The following STXBP6 variants were observed in gnomAD, a reference collection of about 807,000 sequenced individuals.
STXBP6 encodes the protein syntaxin binding protein 6, also known as syntaxin-binding protein 6.
STXBP6 carries 21 observed loss-of-function variants against 26.9 expected under a neutral mutation model. The observed-to-expected ratio is 0.78, with a 90% CI of 0.55 to 1.12. The LOEUF (loss-of-function observed/expected upper bound fraction) is 1.12, where lower values mean the gene tolerates loss of function less well. STXBP6 is among the 50% of genes most tolerant of loss of function. STXBP6 has a pLI of 0.00. For missense variants in STXBP6, 232 were observed against 257.9 expected (o/e 0.90, Z 0.69); for synonymous variants, 97 against 92.6 (o/e 1.05, Z -0.27).
At chr14:24,966,009 ACCACCAC>A (rs2073722138) in intron 2 of STXBP6, among the ~76,000 whole-genome samples, 3 of 152,176 alleles carry the variant, frequency 2.0e-5, no homozygotes, top group Non-Finnish European at 4.4e-5. Context: ...AATCTCCCTA[ACCACCAC>A]TTGCTCTACC....
intron 5 of STXBP6, chr14:24,816,820 T>G (rs2067992655): frequency 6.6e-6 from 1 of 152,148 alleles, no homozygotes; most frequent in East Asian, 1.9e-4. Flanking sequence ...TCTCCTCCAT[T>G]CCTTCCCTGT....
At chr14:24,894,015 CAT>C (rs1476346489) in intron 2 of STXBP6, among the ~76,000 whole-genome samples, 3 of 152,100 alleles carry the variant, frequency 2.0e-5, no homozygotes, top group Non-Finnish European at 2.9e-5. Flanking sequence ...AAGAAAAAAA[CAT>C]GTGTTATACA....
At chr14:24,965,172 T>C (rs117989046) in intron 2 of STXBP6, among the ~76,000 whole-genome samples, 1 of 151,362 alleles carries the variant, frequency 6.6e-6, no homozygotes, top group Non-Finnish European at 1.5e-5. Flanking sequence ...CTGTCAGGAG[T>C]GGGACACAGA....
intron 1 of STXBP6, 77 bp from the exon 2 acceptor site, chr14:24,974,927 A>C (rs1187631994): frequency 2.2e-6 from 2 of 910,814 alleles, no homozygotes; most frequent in East Asian, 5.8e-5. Context: ...GCAGCAAGTG[A>C]ATTTGCAGGT....
chr14:24,936,465 C>A (rs914586676), intron 2 of STXBP6, among the ~76,000 whole-genome samples: 1 of 152,120 alleles, frequency 6.6e-6, no homozygotes, highest in African/African-American at 2.4e-5. Flanking sequence ...AGAAAGAAAT[C>A]TCTTCACTTT....
chr14:24,839,291 T>C (rs1239147835), intron 4 of STXBP6, among the ~76,000 whole-genome samples: 4 of 152,196 alleles, frequency 2.6e-5, no homozygotes, highest in African/African-American at 9.6e-5. Flanking sequence ...TTCTCTTTTG[T>C]GGATCTTTGC....
rs573396995 is a variant in STXBP6, at chr14:24,864,396, C to T, written c.155-7239G>A. ...TCAATGCATATTTTACCTAGAAGAGCGGCTAAAAAGCATTCTTAGAACTAA... is the reference window on the plus strand; with the variant it reads ...TCAATGCATATTTTACCTAGAAGAGTGGCTAAAAAGCATTCTTAGAACTAA... On this transcript the variant is annotated intron_variant, in intron 2 of 5. Transcript: ENST00000323944. Among the ~76,000 whole-genome samples the T allele has an allele frequency of 2.4e-3, 365 of 152,198 alleles. 3 individuals carry two copies. The highest frequency in any genetic ancestry group is 3.4e-3 in the Non-Finnish European group (233 of 67,992).
Position 24,982,597 on chromosome 14 carries a change from C to T in STXBP6, c.-32-7747G>A, listed in dbSNP as rs183969834. Among the ~76,000 whole-genome samples, 196 of 152,310 alleles carry T rather than the reference C, an allele frequency of 1.3e-3. 1 individual carries two copies. The highest frequency in any genetic ancestry group is 4.5e-3 in the African/African-American group (186 of 41,568). On this transcript the variant is annotated intron_variant, in intron 1 of 5. Coordinates refer to ENST00000323944, the MANE Select transcript of STXBP6 (RefSeq NM_001394410.1). ...TCAGACTGCCAAAGACTATGAGACC[C>T]GATTGGCTTTCTTTTCCCTGTACAT...
rs1290890723 is a variant in STXBP6 at position 24,986,118 on chromosome 14, G to T, written c.-32-11268C>A. Among the ~76,000 whole-genome samples the T allele has an allele frequency of 1.3e-5, 2 of 152,096 alleles. 1 individual carries two copies. Among genetic ancestry groups the T allele is most frequent in the South Asian group, 4.2e-4 (2 of 4,816 alleles). On this transcript the variant is annotated intron_variant, in intron 1 of 5. Coordinates refer to ENST00000323944, the MANE Select transcript of STXBP6 (RefSeq NM_001394410.1). Reference sequence around the variant, plus strand: ...GAGAAAACATGATTAATCACAGTGGGGACTCTTCTCAGATTAAATTTTTTT... The same window carrying T: ...GAGAAAACATGATTAATCACAGTGGTGACTCTTCTCAGATTAAATTTTTTT...
intron 4 of STXBP6, among the ~76,000 whole-genome samples, chr14:24,819,733 C>T (rs2068085410): frequency 6.6e-6 from 1 of 152,124 alleles, no homozygotes; most frequent in Admixed American, 6.5e-5. Context: ...TAAAGAACAC[C>T]CCAAAATGTA....
chr14:25,005,348 G>A (rs1457667631), intron 1 of STXBP6, among the ~76,000 whole-genome samples: 1 of 152,120 alleles, frequency 6.6e-6, no homozygotes, highest in African/African-American at 2.4e-5. Context: ...TAATTCAAAA[G>A]GGGAACTATA....
intron 1 of STXBP6, among the ~76,000 whole-genome samples, chr14:25,018,712 A>G (rs1458729801): frequency 6.6e-6 from 1 of 152,210 alleles, no homozygotes; most frequent in African/African-American, 2.4e-5. Context: ...ACCTCTCTAG[A>G]CCATTGCTTC....
intron 2 of STXBP6, among the ~76,000 whole-genome samples, chr14:24,902,239 A>G (rs1177478673): frequency 1.3e-5 from 2 of 152,200 alleles, no homozygotes; most frequent in African/African-American, 4.8e-5. Flanking sequence ...ACAGATTTAA[A>G]TATCCAGTGA....
chr14:24,944,215 T>C (rs889377003), intron 2 of STXBP6, among the ~76,000 whole-genome samples: 4 of 152,176 alleles, frequency 2.6e-5, no homozygotes, highest in African/African-American at 7.2e-5. Flanking sequence ...GAGGAACCTA[T>C]TGAGTTCTGC....
At chr14:25,013,879 G>A (rs535523882) in intron 1 of STXBP6, among the ~76,000 whole-genome samples, 15 of 152,216 alleles carry the variant, frequency 9.9e-5, no homozygotes, top group African/African-American at 3.6e-4. Flanking sequence ...GAAAAATAAT[G>A]AGAAAAACAA....
intron 2 of STXBP6, among the ~76,000 whole-genome samples, chr14:24,916,819 C>T (rs2071787178): frequency 6.6e-6 from 1 of 152,052 alleles, no homozygotes; most frequent in Admixed American, 6.6e-5. Flanking sequence ...TCAAAATCAG[C>T]ATTTCAATAA....
At chr14:24,891,971 C>G (rs937096163) in intron 2 of STXBP6, among the ~76,000 whole-genome samples, 5 of 152,324 alleles carry the variant, frequency 3.3e-5, no homozygotes, top group African/African-American at 1.2e-4. Context: ...CCCTGGAAAG[C>G]CTTCCTACAA....
At chr14:24,905,462 AC>A (rs529781597) in intron 2 of STXBP6, among the ~76,000 whole-genome samples, 439 of 152,066 alleles carry the variant, frequency 2.9e-3, no homozygotes, top group Non-Finnish European at 4.1e-3. Context: ...CTTTCTGCGC[AC>A]TCTTCACCCT....
At position 25,028,327 on chromosome 14, in the gene STXBP6, G is replaced by C. The variant is rs891849038; in HGVS notation, c.-33+21551C>G. Among the ~76,000 whole-genome samples the C allele has an allele frequency of 5.9e-5, 9 of 152,250 alleles. No homozygotes were observed. The East Asian group carries it at 1.5e-3, about 26-fold the overall frequency. On this transcript the variant is annotated intron_variant, in intron 1 of 5. Coordinates refer to ENST00000323944, the MANE Select transcript of STXBP6 (RefSeq NM_001394410.1). The stretch of plus-strand genomic sequence containing the variant: ...CTTGTTAGAGGCTAATGCTGCTGGT[G>C]ACTTTAAGTTGAATCCAATGCTTAT...
Sources: allele counts gnomAD v4.1 joint callset (sites outside exome capture counted in the v4.1 genomes callset), GRCh38; gene constraint gnomAD v4.1.1; transcripts MANE v1.5; gene names NCBI Gene and HGNC (gene_info 2026-07-23, HGNC 2026-07-21).